The following ADCK1 variants were observed in gnomAD, a reference collection of about 807,000 sequenced individuals.
ADCK1 encodes the protein aarF domain containing kinase 1.
A neutral mutation model predicts 52.3 loss-of-function variants in ADCK1; 41 were observed. The ratio of observed to expected loss-of-function variants is 0.78; its 90% CI spans 0.61 to 1.02. The LOEUF (loss-of-function observed/expected upper bound fraction) is 1.02, where lower values mean the gene tolerates loss of function less well. ADCK1 is among the 50% of genes least tolerant of loss of function. The pLI is 0.00. For missense variants in ADCK1, 658 were observed against 679.5 expected, an observed-to-expected ratio of 0.97 and a Z score of 0.35; for synonymous variants, 250 against 274.6, an observed-to-expected ratio of 0.91 and a Z score of 0.89.
intron 4 of ADCK1, among the ~76,000 whole-genome samples, chr14:77,864,428 G>A (rs2082619376): frequency 6.6e-6 from 1 of 152,198 alleles, no homozygotes; most frequent in African/African-American, 2.4e-5. Context: ...CAAGGCAGAA[G>A]TGGAGAGATG....
At chr14:77,846,706 G>T (rs1399751878) in intron 3 of ADCK1, among the ~76,000 whole-genome samples, 5 of 152,178 alleles carry the variant, frequency 3.3e-5, no homozygotes. Flanking sequence ...TTCCCACTGG[G>T]GAACGGTCAA....
intron 2 of ADCK1, among the ~76,000 whole-genome samples, chr14:77,820,636 T>G (rs1452320487): frequency 1.1e-5 from 1 of 89,164 alleles, no homozygotes; most frequent in Non-Finnish European, 2.4e-5. Flanking sequence ...CAGGCCAATT[T>G]TACGTGTGTG....
intron 3 of ADCK1, among the ~76,000 whole-genome samples, chr14:77,857,258 A>C (rs963309870): frequency 5.3e-5 from 8 of 152,140 alleles, no homozygotes; most frequent in Non-Finnish European, 1.2e-4. Context: ...GACTGCTGTG[A>C]GCCATGATTA....
At chr14:77,878,822 C>G (rs1388230901) in intron 4 of ADCK1, among the ~76,000 whole-genome samples, 2 of 152,160 alleles carry the variant, frequency 1.3e-5, no homozygotes, top group African/African-American at 4.8e-5. Flanking sequence ...TTTATGATAG[C>G]CAACGGTGGA....
intron 3 of ADCK1, among the ~76,000 whole-genome samples, chr14:77,854,567 T>A (rs1566669816): frequency 6.7e-6 from 1 of 149,848 alleles, no homozygotes; most frequent in Admixed American, 6.6e-5. Flanking sequence ...TTTTTTTTTT[T>A]TTTTTTTGAG....
intron 1 of ADCK1, among the ~76,000 whole-genome samples, chr14:77,810,680 C>G (rs1050919788): frequency 2.6e-5 from 4 of 151,922 alleles, no homozygotes; most frequent in African/African-American, 7.3e-5. Flanking sequence ...ACAGGCGCCC[C>G]CCATCACGCC....
chr14:77,867,917 A>C (rs2082696932), intron 4 of ADCK1, among the ~76,000 whole-genome samples: 1 of 152,244 alleles, frequency 6.6e-6, no homozygotes, highest in African/African-American at 2.4e-5. Context: ...TAGCCCAGCC[A>C]AAGTGCACTG....
chr14:77,882,680 G>A (rs969548010), intron 4 of ADCK1, among the ~76,000 whole-genome samples: 3 of 152,208 alleles, frequency 2.0e-5, no homozygotes, highest in African/African-American at 7.2e-5. Context: ...GAGGCGTCGT[G>A]TGGTTTCTCT....
intron 4 of ADCK1, among the ~76,000 whole-genome samples, chr14:77,871,481 C>G (rs2082777183): frequency 6.6e-6 from 1 of 152,136 alleles, no homozygotes; most frequent in African/African-American, 2.4e-5. Flanking sequence ...CCTCAGCCTC[C>G]CAAGTAGCTG....
At chr14:77,914,289 T>G (rs1595079630) in intron 7 of ADCK1, 2 of 442,206 alleles carry the variant, frequency 4.5e-6, no homozygotes, top group Non-Finnish European at 6.0e-6. Context: ...TGTGGTGGGG[T>G]CTTTGCCTTC....
rs753446949 is a variant in ADCK1, at chr14:77,931,523, A to C, written c.1212A>C (p.Leu404Phe). The C allele has an allele frequency of 6.2e-7, 1 of 1,613,020 alleles. No homozygotes were observed. The highest frequency in any genetic ancestry group is 2.2e-5 in the East Asian group (1 of 44,842). ...TTGCCCCATTGCTGCTTCAGGACTTAGAGATTCGCAACAACGCGGCCAACT... is the reference window on the plus strand; with the variant it reads ...TTGCCCCATTGCTGCTTCAGGACTTCGAGATTCGCAACAACGCGGCCAACT... The part of the protein sequence containing the change: ...SQAPVTATED[L>F]EIRNNAANYL... Residue 404 changes from leucine (L) to phenylalanine (F), a missense_variant, in exon 10 of 11, where the codon TTA becomes TTC. Leu to Phe is a conservative substitution (Grantham distance 22, BLOSUM62 0). Coordinates refer to ENST00000238561, the MANE Select transcript of ADCK1 (RefSeq NM_020421.4).
intron 5 of ADCK1, among the ~76,000 whole-genome samples, chr14:77,893,885 C>T (rs2083337884): frequency 6.6e-6 from 1 of 152,090 alleles, no homozygotes; most frequent in African/African-American, 2.4e-5. Flanking sequence ...AGGTATCTGC[C>T]ACCACGCCTG....
intron 7 of ADCK1, among the ~76,000 whole-genome samples, chr14:77,913,392 G>A (rs960367885): frequency 5.9e-5 from 9 of 152,192 alleles, no homozygotes; most frequent in African/African-American, 1.4e-4. Context: ...CACGGGCCTC[G>A]GGAGCCAGCA....
Position 77,934,306 on chromosome 14 carries a change from C to T in ADCK1, c.*915C>T, listed in dbSNP as rs1045999207. Reference sequence around the variant, plus strand: ...TTTCTCTTACCTTCCAAGACTCAGACTCTGGTTGGAGGAGTTAAGAAGCCC... The same window carrying T: ...TTTCTCTTACCTTCCAAGACTCAGATTCTGGTTGGAGGAGTTAAGAAGCCC... On this transcript the variant is annotated 3_prime_UTR_variant, in exon 11 of 11. Transcript: ENST00000238561. 6.6e-6 allele frequency: 1 copy of T among 152,132 alleles called. No homozygotes were observed. Among genetic ancestry groups the T allele is most frequent in the East Asian group, 1.9e-4 (1 of 5,194 alleles). 9.4% of individuals were successfully genotyped at this position (152,132 alleles called of 1,614,324 possible).
chr14:77,885,321 A>G (rs988574071), intron 4 of ADCK1, among the ~76,000 whole-genome samples: 13 of 152,202 alleles, frequency 8.5e-5, no homozygotes, highest in African/African-American at 2.9e-4. Flanking sequence ...TTGGGGGAGC[A>G]GGGAGAACCA....
intron 3 of ADCK1, among the ~76,000 whole-genome samples, chr14:77,843,586 G>A (rs741572): frequency 0.086 from 13,151 of 152,150 alleles, 646 homozygotes; most frequent in African/African-American, 0.098. Context: ...GTGATGGCAG[G>A]CTTGCTCACT....
intron 1 of ADCK1, among the ~76,000 whole-genome samples, chr14:77,802,395 G>A (rs563492135): frequency 1.6e-4 from 25 of 152,086 alleles, no homozygotes; most frequent in African/African-American, 5.8e-4. Context: ...TCTATTCCTT[G>A]CCTGGGTGAG....
intron 10 of ADCK1, among the ~76,000 whole-genome samples, chr14:77,932,241 G>T (rs981037554): frequency 6.6e-6 from 1 of 152,044 alleles, no homozygotes; most frequent in Non-Finnish European, 1.5e-5. Context: ...TAGAGACGGG[G>T]TTTCACCGTG....
At chr14:77,848,338 A>G (rs1168320034) in intron 3 of ADCK1, among the ~76,000 whole-genome samples, 5 of 152,262 alleles carry the variant, frequency 3.3e-5, no homozygotes, top group Non-Finnish European at 7.3e-5. Context: ...TAAGCTTGGT[A>G]AGACCTCTAA....
Sources: allele counts gnomAD v4.1 joint callset (sites outside exome capture counted in the v4.1 genomes callset), GRCh38; gene constraint gnomAD v4.1.1; transcripts MANE v1.5; gene names NCBI Gene and HGNC (gene_info 2026-07-23, HGNC 2026-07-21).